The following DEPTOR variants were observed in gnomAD, a reference collection of about 807,000 sequenced individuals.
DEPTOR encodes DEP domain-containing mTOR-interacting protein.
In DEPTOR, 41 loss-of-function variants were observed where a neutral mutation model predicts 41.6. The ratio of observed to expected loss-of-function variants is 0.98; its 90% CI spans 0.77 to 1.28. The LOEUF is 1.28. Ranked by LOEUF, DEPTOR falls within the 50% of genes most tolerant of loss-of-function variation. DEPTOR has a pLI of 0.00. For missense variants in DEPTOR, 514 were observed against 527.9 expected (o/e 0.97, Z 0.26); for synonymous variants, 195 against 192.3 (o/e 1.01, Z -0.12).
Position 119,873,796 on chromosome 8 carries a change from C to CA in DEPTOR, c.-48dup. 6.2e-7 allele frequency: 1 copy of CA among 1,604,220 alleles called. No homozygotes were observed. Among genetic ancestry groups the CA allele is most frequent in the Non-Finnish European group, 8.5e-7 (1 of 1,175,452 alleles). Reference sequence around the variant, plus strand: ...GTGAGGGCAGACTGATCCGAGCACCCAAACCCTCGGCGGACAGCGGAGCCA... The same window carrying CA: ...GTGAGGGCAGACTGATCCGAGCACCCAAAACCCTCGGCGGACAGCGGAGCCA... On this transcript the variant is annotated 5_prime_UTR_variant, in exon 1 of 9. Coordinates refer to ENST00000286234, the MANE Select transcript of DEPTOR (RefSeq NM_022783.4).
At chr8:119,903,869 G>A (rs1827626278) in intron 1 of DEPTOR, among the ~76,000 whole-genome samples, 2 of 152,122 alleles carry the variant, frequency 1.3e-5, no homozygotes, top group Non-Finnish European at 2.9e-5. Flanking sequence ...CTTTACCAGT[G>A]CTTAGTCTCA....
At chr8:119,916,036 A>G (rs773401255) in intron 1 of DEPTOR, among the ~76,000 whole-genome samples, 41 of 151,656 alleles carry the variant, frequency 2.7e-4, no homozygotes, top group Non-Finnish European at 4.7e-4. Context: ...TAATCCTCTC[A>G]ATAACCCTAT....
intron 3 of DEPTOR, among the ~76,000 whole-genome samples, chr8:119,940,397 A>G (rs1043220705): frequency 3.3e-5 from 5 of 152,206 alleles, no homozygotes; most frequent in Non-Finnish European, 7.3e-5. Context: ...TTCACTGATG[A>G]ATGAATAAAC....
At chr8:119,990,367 C>T (rs561237295) in intron 4 of DEPTOR, among the ~76,000 whole-genome samples, 9 of 152,190 alleles carry the variant, frequency 5.9e-5, no homozygotes, top group African/African-American at 1.9e-4. Flanking sequence ...TCGTGTTAGT[C>T]GGGATGGTCT....
intron 4 of DEPTOR, among the ~76,000 whole-genome samples, chr8:119,995,562 GGTGACAGAGCAAGGCTCCTCT>G (rs1277258423): frequency 6.6e-6 from 1 of 151,302 alleles, no homozygotes; most frequent in East Asian, 1.9e-4. Flanking sequence ...CTCCAGCCTG[GGTGACAGAGCAAGGCTCCTCT>G]GTCTCAAAAA....
At chr8:119,980,966 A>G (rs573798345) in intron 4 of DEPTOR, among the ~76,000 whole-genome samples, 2 of 152,286 alleles carry the variant, frequency 1.3e-5, no homozygotes, top group Admixed American at 1.3e-4. Flanking sequence ...TCCCTTCCCC[A>G]GCACCATGAT....
intron 1 of DEPTOR, among the ~76,000 whole-genome samples, chr8:119,907,333 T>G (rs1827676268): frequency 6.6e-6 from 1 of 152,138 alleles, no homozygotes; most frequent in African/African-American, 2.4e-5. Flanking sequence ...AACCTAGATA[T>G]TTTTTTAAAA....
chr8:119,914,502 C>G (rs377741004), intron 1 of DEPTOR, among the ~76,000 whole-genome samples: 1 of 151,710 alleles, frequency 6.6e-6, no homozygotes, highest in Non-Finnish European at 1.5e-5. Flanking sequence ...TGCAGTGGCA[C>G]GATCTTGGCT....
chr8:120,043,558 C>A (rs1369521118), intron 8 of DEPTOR, among the ~76,000 whole-genome samples: 1 of 152,172 alleles, frequency 6.6e-6, no homozygotes, highest in Non-Finnish European at 1.5e-5. Flanking sequence ...ATCCACTATT[C>A]TGTGCATGCC....
intron 5 of DEPTOR, among the ~76,000 whole-genome samples, chr8:120,002,706 A>T (rs1305585439): frequency 6.9e-6 from 1 of 145,424 alleles, no homozygotes; most frequent in Non-Finnish European, 1.5e-5. Context: ...TGAACCCAGG[A>T]GGCAGAGGTT....
chr8:119,977,311 G>GT (rs944777910), intron 4 of DEPTOR, among the ~76,000 whole-genome samples: 4 of 151,332 alleles, frequency 2.6e-5, no homozygotes, highest in Admixed American at 1.3e-4. Flanking sequence ...CCATGTCTCT[G>GT]TTTTTTTTAG....
chr8:119,923,801 A>C (rs948698161), intron 1 of DEPTOR, among the ~76,000 whole-genome samples: 2 of 151,418 alleles, frequency 1.3e-5, no homozygotes, highest in African/African-American at 4.8e-5. Flanking sequence ...TTGTTTCTTG[A>C]ATTGTGTTTT....
intron 1 of DEPTOR, among the ~76,000 whole-genome samples, chr8:119,888,135 T>A (rs1827397878): frequency 1.3e-5 from 2 of 152,136 alleles, no homozygotes; most frequent in South Asian, 2.1e-4. Context: ...TTATTTATTT[T>A]TTTTTACTAC....
chr8:119,954,069 G>A (rs1245558789), intron 3 of DEPTOR, among the ~76,000 whole-genome samples: 1 of 151,614 alleles, frequency 6.6e-6, no homozygotes. Context: ...GCCTCCCAAA[G>A]TGCTGTGATT....
At chr8:119,976,732 T>C (rs1828700283) in intron 4 of DEPTOR, among the ~76,000 whole-genome samples, 1 of 152,150 alleles carries the variant, frequency 6.6e-6, no homozygotes, top group Admixed American at 6.5e-5. Flanking sequence ...CAGATGCTAA[T>C]GTTCTAGAGA....
chr8:119,958,831 G>A (rs535180130), intron 3 of DEPTOR, among the ~76,000 whole-genome samples: 5 of 152,166 alleles, frequency 3.3e-5, no homozygotes, highest in South Asian at 2.1e-4. Context: ...ACTGCATCCC[G>A]TTGGTCAGAG....
At chr8:119,931,110 G>C (rs1377952676) in intron 3 of DEPTOR, among the ~76,000 whole-genome samples, 1 of 151,964 alleles carries the variant, frequency 6.6e-6, no homozygotes, top group African/African-American at 2.4e-5. Flanking sequence ...TACTTGGTAG[G>C]CTGGGTACGA....
intron 8 of DEPTOR, among the ~76,000 whole-genome samples, chr8:120,045,738 A>G (rs1225076695): frequency 6.6e-6 from 1 of 152,164 alleles, no homozygotes; most frequent in Non-Finnish European, 1.5e-5. Flanking sequence ...GACAAGTTCA[A>G]TGTCAGATCA....
chr8:120,043,038 A>G (rs1378361031), intron 8 of DEPTOR, among the ~76,000 whole-genome samples: 2 of 151,182 alleles, frequency 1.3e-5, no homozygotes, highest in African/African-American at 2.4e-5. Flanking sequence ...TTTAGTGGAG[A>G]CTGGGTTTCA....
Sources: gnomAD v4.1 joint callset for allele counts (sites outside exome capture counted in the v4.1 genomes callset) on GRCh38, gnomAD v4.1.1 for gene constraint, MANE v1.5 for transcripts, NCBI Gene and HGNC (gene_info 2026-07-23, HGNC 2026-07-21) for gene names.